The following SIPA1L3 variants were observed in gnomAD, a reference collection of about 807,000 sequenced individuals.
SIPA1L3 encodes signal induced proliferation associated 1 like 3.
Under a neutral mutation model 150.1 loss-of-function variants are expected in SIPA1L3, and 59 were observed. The ratio of observed to expected loss-of-function variants is 0.39; its 90% confidence interval spans 0.32 to 0.49. The LOEUF is 0.49. Ranked by LOEUF, SIPA1L3 falls within the 20% of genes least tolerant of loss-of-function variation. The pLI is 0.86. For synonymous variants in SIPA1L3, 1,070 were observed against 1,077.6 expected, an observed-to-expected ratio of 0.99 and a Z score of 0.14; for missense variants, 2,211 against 2,489.5, an observed-to-expected ratio of 0.89 and a Z score of 2.38.
intron 1 of SIPA1L3, among the ~76,000 whole-genome samples, chr19:37,934,615 C>A (rs867272711): frequency 6.6e-6 from 1 of 152,146 alleles, no homozygotes; most frequent in Non-Finnish European, 1.5e-5. Context: ...TTTAAGAATT[C>A]TTTTCAAGCC....
Position 38,064,064 on chromosome 19 carries a change from G to A in SIPA1L3, c.-310-17192G>A, listed in dbSNP as rs117132500. 2.2e-3 allele frequency among the ~76,000 whole-genome samples: 340 copies of A among 152,318 alleles called. 13 individuals carry two copies. In the East Asian group the frequency reaches 0.06, roughly 27 times the overall value. ...CTACAAACATGGCTGTAGCTGCTGG[G>A]TGGGCCTGGCATTTGTGCCCATACT... is the stretch of plus-strand genomic sequence containing the variant. On this transcript the variant is annotated intron_variant, in intron 2 of 21. Coordinates refer to ENST00000222345, the MANE Select transcript of SIPA1L3 (RefSeq NM_015073.3).
Position 37,963,385 on chromosome 19 carries a change from C to CTTGTG in SIPA1L3, c.-379+56028_-379+56029insTGTGT, listed in dbSNP as rs879279706. On this transcript the variant is annotated intron_variant, in intron 1 of 21. Coordinates refer to ENST00000222345, the MANE Select transcript of SIPA1L3 (RefSeq NM_015073.3). ...AGGCCTTGTGTGGCTATCTCATTCCCTGGATCTTCCTGCTAAATTTCTGGC... is the reference window on the plus strand; with the variant it reads ...AGGCCTTGTGTGGCTATCTCATTCCCTTGTGTGGATCTTCCTGCTAAATTTCTGGC... Among the ~76,000 whole-genome samples, 775 of 152,346 alleles carry CTTGTG rather than the reference C, an allele frequency of 5.1e-3. 9 individuals carry two copies. The highest frequency in any genetic ancestry group is 0.017 in the African/African-American group (720 of 41,574).
chr19:38,159,957 C>G (rs1972041166), intron 13 of SIPA1L3, among the ~76,000 whole-genome samples: 1 of 152,188 alleles, frequency 6.6e-6, no homozygotes, highest in Non-Finnish European at 1.5e-5. Flanking sequence ...TAGATAATAT[C>G]TAAATGCCCT....
chr19:38,119,388 T>C lies in SIPA1L3; in HGVS notation c.2374T>C (p.Phe792Leu). 6.2e-7 allele frequency: 1 copy of C among 1,614,154 alleles called. No homozygotes were observed. The highest frequency in any genetic ancestry group is 8.5e-7 in the Non-Finnish European group (1 of 1,180,026). ...AACCACATTCCGCAAATCCGACGTC[T>C]TCAGAGACTTCTTGCTGGCCAAGGT... ...SGTTFRKSDV[F>L]RDFLLAKVIN... The change falls in exon 9 of 22, where the codon TTC becomes CTC. Residue 792 changes from phenylalanine to leucine, a missense_variant. By Grantham distance (22) the Phe-to-Leu change is conservative (BLOSUM62 0). Around this residue, in one of 5 missense-constraint regions of SIPA1L3, gnomAD observed 625 missense variants for 804.2 expected, o/e 0.78. Transcript: ENST00000222345.
intron 15 of SIPA1L3, among the ~76,000 whole-genome samples, chr19:38,169,132 T>A (rs1352163558): frequency 6.6e-6 from 1 of 152,158 alleles, no homozygotes; most frequent in Admixed American, 6.5e-5. Flanking sequence ...CTCACGCCTG[T>A]AATCCCAACA....
chr19:38,012,490 T>C (rs1170620251), intron 1 of SIPA1L3, among the ~76,000 whole-genome samples: 1 of 152,092 alleles, frequency 6.6e-6, no homozygotes, highest in Non-Finnish European at 1.5e-5. Flanking sequence ...CCAGCCCAGC[T>C]CAGGCCAGAG....
intron 1 of SIPA1L3, among the ~76,000 whole-genome samples, chr19:37,985,820 T>TC (rs1262559861): frequency 6.6e-6 from 1 of 152,144 alleles, no homozygotes; most frequent in Non-Finnish European, 1.5e-5. Flanking sequence ...CCCTGGCTCC[T>TC]CCCAGCCTTC....
At chr19:38,181,743 G>A (rs954969610) in intron 15 of SIPA1L3, among the ~76,000 whole-genome samples, 2 of 151,782 alleles carry the variant, frequency 1.3e-5, no homozygotes, top group African/African-American at 4.8e-5. Flanking sequence ...CTACTGGGGA[G>A]GTTGAAGCAG....
chr19:37,926,236 T>G (rs1462675204), intron 1 of SIPA1L3, among the ~76,000 whole-genome samples: 1 of 152,162 alleles, frequency 6.6e-6, no homozygotes, highest in African/African-American at 2.4e-5. Flanking sequence ...ACCATCCTCT[T>G]TCAGTGACAG....
chr19:37,929,852 T>G (rs1037913322), intron 1 of SIPA1L3, among the ~76,000 whole-genome samples: 1 of 151,986 alleles, frequency 6.6e-6, no homozygotes, highest in Non-Finnish European at 1.5e-5. Context: ...TGTATCTATG[T>G]ATGTATGTAT....
intron 8 of SIPA1L3, among the ~76,000 whole-genome samples, chr19:38,113,999 G>A (rs1400970753): frequency 6.6e-6 from 1 of 152,116 alleles, no homozygotes; most frequent in Non-Finnish European, 1.5e-5. Flanking sequence ...GGGAAGTAAG[G>A]GACCAGCTGT....
intron 4 of SIPA1L3, 79 bp downstream of exon 4, chr19:38,088,930 TC>T: frequency 1.3e-6 from 2 of 1,500,922 alleles, no homozygotes; most frequent in Non-Finnish European, 1.8e-6. Flanking sequence ...GGCAAACGCT[TC>T]CCCAGCTTCA....
At chr19:38,178,006 C>G (rs562564200) in intron 15 of SIPA1L3, among the ~76,000 whole-genome samples, 4 of 151,976 alleles carry the variant, frequency 2.6e-5, no homozygotes, top group African/African-American at 9.6e-5. Flanking sequence ...CCAGCCTGGC[C>G]ATTTCCAACT....
Position 37,950,155 on chromosome 19 carries a change from C to T in SIPA1L3, c.-379+42797C>T, listed in dbSNP as rs182800665. 1.6e-4 allele frequency among the ~76,000 whole-genome samples: 24 copies of T among 151,630 alleles called. No individual in the cohort carries two copies. In the East Asian group the frequency reaches 2.5e-3, roughly 16 times the overall value. Reference sequence around the variant, plus strand: ...CTCTGCCACTTGCTAGCTGTGTGACCTTGGACTCATCACCTCACTCTTGGG... The same window carrying T: ...CTCTGCCACTTGCTAGCTGTGTGACTTTGGACTCATCACCTCACTCTTGGG... On this transcript the variant is annotated intron_variant, in intron 1 of 21. Coordinates refer to ENST00000222345, the MANE Select transcript of SIPA1L3 (RefSeq NM_015073.3).
At chr19:38,057,292 ATATATATGTG>A (rs1480007559) in intron 2 of SIPA1L3, among the ~76,000 whole-genome samples, 9 of 140,960 alleles carry the variant, frequency 6.4e-5, no homozygotes, top group East Asian at 2.0e-4. Flanking sequence ...ATATATATGT[ATATATATGTG>A]TATATATGTG....
intron 1 of SIPA1L3, among the ~76,000 whole-genome samples, chr19:37,923,441 A>G (rs1420136348): frequency 6.6e-6 from 1 of 152,216 alleles, no homozygotes; most frequent in Non-Finnish European, 1.5e-5. Context: ...CACAATGGCA[A>G]GTATTTGTGT....
chr19:38,165,055 C>T (rs1041974599), intron 15 of SIPA1L3, 149 bp downstream of exon 15: 4 of 785,150 alleles, frequency 5.1e-6, no homozygotes, highest in Middle Eastern at 3.7e-4. Context: ...TTGAGGAGCT[C>T]GTGGATCTCT....
Position 38,023,059 on chromosome 19 carries a change from A to G in SIPA1L3, c.-378-6030A>G, listed in dbSNP as rs186540429. 4.6e-5 allele frequency among the ~76,000 whole-genome samples: 7 copies of G among 152,322 alleles called. No individual in the cohort carries two copies. In the East Asian group the frequency reaches 1.3e-3, roughly 29 times the overall value. On this transcript the variant is annotated intron_variant, in intron 1 of 21. Transcript: ENST00000222345. Reference sequence around the variant, plus strand: ...ATTTCGGCCAATCTGCTGTGTGTGGAATGGCCACACAGCATTTTCTTCCCA... The same window carrying G: ...ATTTCGGCCAATCTGCTGTGTGTGGGATGGCCACACAGCATTTTCTTCCCA...
intron 2 of SIPA1L3, among the ~76,000 whole-genome samples, chr19:38,033,398 T>A (rs1205655370): frequency 1.3e-5 from 2 of 152,208 alleles, no homozygotes; most frequent in African/African-American, 4.8e-5. Flanking sequence ...AGCTTGAACA[T>A]CACTTGAGGG....
Sources: gnomAD v4.1 joint callset for allele counts (sites outside exome capture counted in the v4.1 genomes callset) on GRCh38, gnomAD v4.1.1 for gene constraint, gnomAD v4.1.1 regional missense constraint, MANE v1.5 for transcripts, NCBI Gene and HGNC (gene_info 2026-07-23, HGNC 2026-07-21) for gene names.